DIS3L2: variants seen among roughly 807,000 people sequenced by gnomAD.
DIS3L2 encodes DIS3-like exonuclease 2.
In DIS3L2, 34 loss-of-function variants were observed where a neutral mutation model predicts 97.5. The ratio of observed to expected loss-of-function variants is 0.35; its 90% CI spans 0.27 to 0.46. The LOEUF (loss-of-function observed/expected upper bound fraction) is 0.46. DIS3L2 is among the 20% of genes least tolerant of loss of function. The pLI is 1.00. For missense variants in DIS3L2, 1,038 were observed against 1,146.0 expected, an observed-to-expected ratio of 0.91 and a Z score of 1.36; for synonymous variants, 435 against 445.2, an observed-to-expected ratio of 0.98 and a Z score of 0.29.
intron 10 of DIS3L2, among the ~76,000 whole-genome samples, chr2:232,225,292 C>A (rs1489415731): frequency 6.6e-6 from 1 of 152,128 alleles, no homozygotes; most frequent in Non-Finnish European, 1.5e-5. Context: ...TTCATAGCAC[C>A]ATCACTCATA....
chr2:232,191,443 AATT>A (rs1691616769), intron 9 of DIS3L2, among the ~76,000 whole-genome samples: 1 of 152,284 alleles, frequency 6.6e-6, no homozygotes, highest in East Asian at 1.9e-4. Context: ...AAAAAATTAT[AATT>A]ATAAAGTAGT....
Position 232,327,980 on chromosome 2 carries a change from G to A in DIS3L2, c.1740-1833G>A, listed in dbSNP as rs146341906. On this transcript the variant is annotated intron_variant, in intron 14 of 20. Transcript: ENST00000325385. The stretch of plus-strand genomic sequence containing the variant: ...CTCTGTGATTTGTTCAGAATCCCAC[G>A]GCAAGAAAGTTGTGGAGCTGAGAGT... Among the ~76,000 whole-genome samples, 504 of 152,312 alleles carry A rather than the reference G, an allele frequency of 3.3e-3. 4 individuals are homozygous for A. Among genetic ancestry groups the A allele is most frequent in the Admixed American group, 6.7e-3 (103 of 15,292 alleles).
chr2:232,100,804 G>GGTGTGTGT (rs61079731), intron 6 of DIS3L2, among the ~76,000 whole-genome samples: 5,494 of 147,596 alleles, frequency 0.037, 126 homozygotes, highest in African/African-American at 0.057. Context: ...TTGAAAGAAA[G>GGTGTGTGT]GTGTGTGTGT....
rs368059860 is a variant in DIS3L2 at position 232,263,311 on chromosome 2, G to A, written c.1530G>A (p.Ala510=). 40 of 1,614,032 alleles carry A rather than the reference G, an allele frequency of 2.5e-5. No individual in the cohort carries two copies. Among genetic ancestry groups the A allele is most frequent in the East Asian group, 6.7e-5 (3 of 44,890 alleles). ...MIESPTEKIP[A]KELPPISPEH... ...AAAGCCCAACTGAGAAAATCCCTGCGAAAGAGCTGCCCCCCATTTCCCCAG... is the reference window on the plus strand; with the variant it reads ...AAAGCCCAACTGAGAAAATCCCTGCAAAAGAGCTGCCCCCCATTTCCCCAG... Residue 510 remains alanine (A), a synonymous_variant, in exon 13 of 21, where the codon GCG becomes GCA. Transcript: ENST00000325385.
At chr2:232,171,271 T>C (rs1690982446) in intron 9 of DIS3L2, among the ~76,000 whole-genome samples, 1 of 152,206 alleles carries the variant, frequency 6.6e-6, no homozygotes, top group South Asian at 2.1e-4. Flanking sequence ...GAAAACAGTG[T>C]GTTAATAGAT....
At chr2:232,014,809 A>G in intron 1 of DIS3L2, 26 bp from the exon 2 acceptor site, 1 of 1,108,532 alleles carries the variant, frequency 9.0e-7, no homozygotes, top group Admixed American at 2.4e-5. Context: ...ACCGCTCTCC[A>G]ATTACCAATC....
In DIS3L2 at chr2:232,209,183, A is replaced by G. The variant is rs574184696; in HGVS notation, c.1125-1143A>G. Among the ~76,000 whole-genome samples, 14 of 152,154 alleles carry G rather than the reference A, an allele frequency of 9.2e-5. 1 individual carries two copies. In the South Asian group the frequency reaches 2.9e-3, roughly 32 times the overall value. On this transcript the variant is annotated intron_variant, in intron 9 of 20. Coordinates refer to ENST00000325385, the MANE Select transcript of DIS3L2 (RefSeq NM_152383.5). ...TTAGAGAGGGCTGTTGGGAGTTACT[A>G]GGAGTAGGGTAAGTGGACAGTTAAG...
At chr2:232,155,598 GA>G (rs752294630) in intron 8 of DIS3L2, among the ~76,000 whole-genome samples, 83 of 152,136 alleles carry the variant, frequency 5.5e-4, no homozygotes, top group Non-Finnish European at 7.1e-4. Context: ...CTTTATTTCA[GA>G]AAAGTTTTCT....
rs1693938679 is a variant in DIS3L2 at position 232,269,879 on chromosome 2, C to G, written c.1659+6439C>G. ...GAGCAGAACTGGGTTTTAGAAAGAG[C>G]CTCCCAAAAGTGAATAGAATAGAGG... On this transcript the variant is annotated intron_variant, in intron 13 of 20. Transcript: ENST00000325385. The surrounding 1 kb of genome is among the most constrained non-coding windows in gnomAD (Gnocchi z 4.5). Among the ~76,000 whole-genome samples the G allele has an allele frequency of 6.6e-6, 1 of 152,040 alleles. No homozygotes were observed. The highest frequency in any genetic ancestry group is 1.5e-5 in the Non-Finnish European group (1 of 68,010).
chr2:231,991,757 A>G (rs1192497678), intron 1 of DIS3L2, among the ~76,000 whole-genome samples: 7 of 152,170 alleles, frequency 4.6e-5, no homozygotes, highest in African/African-American at 7.2e-5. Flanking sequence ...CCCTGTGGGC[A>G]TGGTGTAGAA....
chr2:232,209,794 G>A (rs1300952304), intron 9 of DIS3L2, among the ~76,000 whole-genome samples: 3 of 152,190 alleles, frequency 2.0e-5, no homozygotes, highest in Non-Finnish European at 2.9e-5. Context: ...TGGGCACATG[G>A]TGTACTTGGT....
At position 232,329,969 on chromosome 2, in the gene DIS3L2, G is replaced by A. The variant is rs1460822750; in HGVS notation, c.1896G>A (p.Val632=). The A allele has an allele frequency of 6.2e-7, 1 of 1,612,434 alleles. No individual in the cohort carries two copies. The highest frequency in any genetic ancestry group is 8.5e-7 in the Non-Finnish European group (1 of 1,179,426). The change falls in exon 15 of 21, where the codon GTG becomes GTA. Residue 632 remains valine (V), a synonymous_variant. Transcript: ENST00000325385. ...VEFCDQMGLP[V]DFSSAGALNK... ...TCTGCGACCAGATGGGGCTGCCCGTGGACTTCAGCTCCGCAGGAGCCCTCA... is the reference window on the plus strand; with the variant it reads ...TCTGCGACCAGATGGGGCTGCCCGTAGACTTCAGCTCCGCAGGAGCCCTCA...
chr2:232,197,187 T>C (rs1691778376), intron 9 of DIS3L2, among the ~76,000 whole-genome samples: 1 of 152,192 alleles, frequency 6.6e-6, no homozygotes, highest in East Asian at 1.9e-4. Flanking sequence ...ACTTTGTGAC[T>C]CTTCTTAATT....
chr2:232,056,980 A>T (rs1188142252), intron 5 of DIS3L2, among the ~76,000 whole-genome samples: 3 of 152,198 alleles, frequency 2.0e-5, no homozygotes, highest in Admixed American at 6.5e-5. Flanking sequence ...TCTTCCTAGG[A>T]ATATTATATA....
In DIS3L2 at chr2:232,161,250, C is replaced by T. The variant is rs144664244; in HGVS notation, c.951-2209C>T. 4.0e-4 allele frequency among the ~76,000 whole-genome samples: 61 copies of T among 152,152 alleles called. 1 individual carries two copies. The highest frequency in any genetic ancestry group is 1.4e-3 in the African/African-American group (59 of 41,520). ...ATTTTCTATTCATTGATTCTTGTTT[C>T]TTCATTATTTCTGTCCTTCTCCTTA... On this transcript the variant is annotated intron_variant, in intron 8 of 20. Coordinates refer to ENST00000325385, the MANE Select transcript of DIS3L2 (RefSeq NM_152383.5).
Position 232,292,876 on chromosome 2 carries a change from C to CA in DIS3L2, c.1660-7163dup, listed in dbSNP as rs1448710062. 6.6e-6 allele frequency among the ~76,000 whole-genome samples: 1 copy of CA among 152,216 alleles called. No homozygotes were observed. The highest frequency in any genetic ancestry group is 2.4e-5 in the African/African-American group (1 of 41,458). On this transcript the variant is annotated intron_variant, in intron 13 of 20. Coordinates refer to ENST00000325385, the MANE Select transcript of DIS3L2 (RefSeq NM_152383.5). This position sits in a 1 kb window ranked among gnomAD's most constrained non-coding sequence, Gnocchi z 4.4. ...TGGGTCCTTCACTTCCTTCCCTCTT[C>CA]ACTCAATACCAGGACCGTTGTGCAG...
intron 13 of DIS3L2, among the ~76,000 whole-genome samples, chr2:232,298,783 A>G (rs551648542): frequency 1.3e-5 from 2 of 152,348 alleles, no homozygotes; most frequent in East Asian, 3.9e-4. Flanking sequence ...TAAACATAGT[A>G]GTTGGCTTGC....
rs145124768 is a variant in DIS3L2, at chr2:232,122,820, C to T, written c.602-7799C>T. ...TAAAAAATATACTTGTGCCAGGACA[C>T]TACATGTAAACATAACTCATATAAA... On this transcript the variant is annotated intron_variant, in intron 6 of 20. Transcript: ENST00000325385. Among the ~76,000 whole-genome samples, 345 of 152,266 alleles carry T rather than the reference C, an allele frequency of 2.3e-3. 4 individuals are homozygous for T. In the Middle Eastern group the frequency reaches 0.027, roughly 12 times the overall value.
chr2:232,100,729 A>G (rs1697172248), intron 6 of DIS3L2, among the ~76,000 whole-genome samples: 3 of 151,952 alleles, frequency 2.0e-5, no homozygotes, highest in Middle Eastern at 6.8e-3. Flanking sequence ...AATTCTTTAT[A>G]GTTTATGGAT....
Sources: allele counts gnomAD v4.1 joint callset (sites outside exome capture counted in the v4.1 genomes callset), GRCh38; gene constraint gnomAD v4.1.1; non-coding constraint Gnocchi (gnomAD v3.1); transcripts MANE v1.5; gene names NCBI Gene and HGNC (gene_info 2026-07-23, HGNC 2026-07-21).